FGF13: variants seen among roughly 807,000 people sequenced by gnomAD.
FGF13 encodes fibroblast growth factor 13.
FGF13 carries 2 observed loss-of-function variants against 19.5 expected under a neutral mutation model. That is an observed-to-expected ratio of 0.10 (90% CI 0.04 to 0.32). The LOEUF (loss-of-function observed/expected upper bound fraction) is 0.32. Among genes scored for constraint, FGF13 ranks in the 10% least tolerant of loss-of-function variants. The pLI, the probability that FGF13 is intolerant of heterozygous loss-of-function variation, is 1.00. For missense variants in FGF13, 113 were observed against 192.7 expected, an observed-to-expected ratio of 0.59 and a Z score of 2.45; for synonymous variants, 72 against 76.9, an observed-to-expected ratio of 0.94 and a Z score of 0.33.
chrX:139,122,681 G>A (rs923128557), intron 1 of FGF13, among the ~76,000 whole-genome samples: 1 of 111,122 alleles, frequency 9.0e-6, no homozygotes, highest in Non-Finnish European at 1.9e-5. Flanking sequence ...TTGAATTCTT[G>A]ATTACTCCCA....
upstream of FGF13, among the ~76,000 whole-genome samples, chrX:138,739,895 T>C (rs1352521195): frequency 8.9e-6 from 1 of 112,235 alleles, no homozygotes; most frequent in African/African-American, 3.2e-5. Flanking sequence ...AAATTATATT[T>C]TCATATCAAA....
chrX:139,083,769 G>A (rs1603190218), intron 1 of FGF13, among the ~76,000 whole-genome samples: 1 of 111,634 alleles, frequency 9.0e-6, no homozygotes, highest in African/African-American at 3.3e-5. Context: ...TACTCGGGAG[G>A]CTGAGGCAGG....
chrX:138,955,210 T>C (rs2091834868), intron 1 of FGF13, among the ~76,000 whole-genome samples: 1 of 113,169 alleles, frequency 8.8e-6, no homozygotes, highest in Non-Finnish European at 1.9e-5. Flanking sequence ...AAACTCTTCA[T>C]TGCCTAGTGG....
At chrX:139,158,216 T>A (rs2083995510) in intron 1 of FGF13, among the ~76,000 whole-genome samples, 1 of 109,859 alleles carries the variant, frequency 9.1e-6, no homozygotes, top group African/African-American at 3.3e-5. Context: ...GCAGCATTTT[T>A]TTTTTTTGAT....
exon 3 of FGF13, chrX:138,857,583 C>A (rs758308695): frequency 8.3e-7 from 1 of 1,205,350 alleles, no homozygotes; most frequent in African/African-American, 1.8e-5. Context: ...ACACTTAGCA[C>A]GAAAGGGGGA....
chrX:138,894,690 A>AT (rs1425447299), intron 1 of FGF13, among the ~76,000 whole-genome samples: 1 of 111,053 alleles, frequency 9.0e-6, no homozygotes, highest in Non-Finnish European at 1.9e-5. Flanking sequence ...CAAAAAAAAA[A>AT]GTCCAGGACC....
chrX:138,781,012 G>C (rs1406493318), intron 3 of FGF13, among the ~76,000 whole-genome samples: 1 of 110,932 alleles, frequency 9.0e-6, no homozygotes, highest in African/African-American at 3.3e-5. Context: ...ATTAATAATC[G>C]CACTCAAAAC....
chrX:138,889,932 C>CTT (rs1218819253), intron 1 of FGF13, among the ~76,000 whole-genome samples: 1,005 of 100,233 alleles, frequency 0.01, 15 homozygotes, highest in African/African-American at 0.034. Flanking sequence ...CCCTTTTGAA[C>CTT]TTTTTTTTTT....
At chrX:139,159,469 CACATA>C (rs1295644239) in intron 1 of FGF13, among the ~76,000 whole-genome samples, 1 of 111,030 alleles carries the variant, frequency 9.0e-6, no homozygotes, top group Non-Finnish European at 1.9e-5. Flanking sequence ...ATCAAATTCA[CACATA>C]ACAGTATTAA....
chrX:139,128,647 G>T (rs1433361702), intron 1 of FGF13, among the ~76,000 whole-genome samples: 1 of 112,460 alleles, frequency 8.9e-6, no homozygotes, highest in African/African-American at 3.2e-5. Flanking sequence ...AAGTCAGTCT[G>T]CTTCGACTTC....
intron 1 of FGF13, among the ~76,000 whole-genome samples, chrX:139,147,734 T>C (rs2083901981): frequency 9.0e-6 from 1 of 111,108 alleles, no homozygotes; most frequent in African/African-American, 3.3e-5. Flanking sequence ...TATGGCCTGG[T>C]ATGTCTCCGT....
At chrX:138,917,214 A>C (rs150465591) in intron 1 of FGF13, among the ~76,000 whole-genome samples, 1,318 of 111,765 alleles carry the variant, frequency 0.012, 16 homozygotes, top group African/African-American at 0.039. Context: ...TCCCAAATTC[A>C]TATGTTGAAG....
At chrX:139,002,961 G>A (rs2092080478) in intron 1 of FGF13, among the ~76,000 whole-genome samples, 1 of 112,075 alleles carries the variant, frequency 8.9e-6, no homozygotes, top group Non-Finnish European at 1.9e-5. Flanking sequence ...CAGCTGTGCT[G>A]GCTATGAGAA....
chrX:138,891,899 A>G lies in FGF13; in HGVS notation c.-112-27249T>C, dbSNP rs753410955. ...TTCTTCAGTTTTGGGACTCGGACTG[A>G]CTCTCCTTGCTCCCCAGCTTGCAGA... On this transcript the variant is annotated intron_variant, in intron 1 of 2. Transcript: ENST00000421460. Among the ~76,000 whole-genome samples, 11 of 108,395 alleles carry G rather than the reference A, an allele frequency of 1.0e-4. No individual in the cohort carries two copies. The East Asian group carries it at 3.2e-3, about 32-fold the overall frequency. 94.1% of individuals were successfully genotyped at this position (108,395 alleles called of 115,157 possible).
chrX:139,009,799 A>G (rs1321642499), intron 1 of FGF13, among the ~76,000 whole-genome samples: 1 of 111,753 alleles, frequency 8.9e-6, no homozygotes, highest in South Asian at 3.7e-4. Flanking sequence ...ATACCACCTC[A>G]TATCTCAATA....
chrX:139,176,202 G>T (rs998011585), intron 1 of FGF13, among the ~76,000 whole-genome samples: 1 of 111,556 alleles, frequency 9.0e-6, no homozygotes, highest in Non-Finnish European at 1.9e-5. Context: ...GGTGTTTATA[G>T]TATTCTCTTA....
At chrX:138,758,808 T>C (rs998872492) in intron 3 of FGF13, among the ~76,000 whole-genome samples, 2 of 112,652 alleles carry the variant, frequency 1.8e-5, no homozygotes, top group African/African-American at 6.4e-5. Context: ...AGTCATTTCA[T>C]TTATGCTAAT....
At chrX:139,138,888 AACCAG>A (rs2148238068) in intron 1 of FGF13, among the ~76,000 whole-genome samples, 1 of 110,062 alleles carries the variant, frequency 9.1e-6, no homozygotes, top group South Asian at 3.9e-4. Flanking sequence ...TTTGATTCTA[AACCAG>A]TTTGTCTATA....
intron 1 of FGF13, among the ~76,000 whole-genome samples, chrX:139,182,904 T>C (rs901935837): frequency 2.7e-5 from 3 of 111,800 alleles, no homozygotes; most frequent in Non-Finnish European, 5.6e-5. Context: ...GGGTGCTTAA[T>C]GTTACTATTC....
Sources: gnomAD v4.1 joint callset for allele counts (sites outside exome capture counted in the v4.1 genomes callset) on GRCh38, gnomAD v4.1.1 for gene constraint, MANE v1.5 for transcripts, NCBI Gene and HGNC (gene_info 2026-07-23, HGNC 2026-07-21) for gene names.